The following UVRAG variants were observed in gnomAD, a reference collection of about 807,000 sequenced individuals.
The protein encoded by UVRAG is UV radiation resistance associated, also known as UV radiation resistance-associated gene protein.
A neutral mutation model predicts 78.0 loss-of-function variants in UVRAG; 19 were observed. The observed-to-expected ratio is 0.24, with a 90% CI of 0.17 to 0.36. The LOEUF (loss-of-function observed/expected upper bound fraction) is 0.36. Ranked by LOEUF, UVRAG falls within the 10% of genes least tolerant of loss-of-function variation. The probability of loss-of-function intolerance (pLI) is 1.00; values close to 1 mark genes in which losing one functional copy is unlikely to be tolerated. For synonymous variants in UVRAG, 323 were observed against 324.6 expected (o/e 1.00, Z 0.05); for missense variants, 740 against 853.8 (o/e 0.87, Z 1.66).
At chr11:76,123,398 T>G (rs1952326447) in intron 14 of UVRAG, among the ~76,000 whole-genome samples, 1 of 152,210 alleles carries the variant, frequency 6.6e-6, no homozygotes, top group Admixed American at 6.5e-5. Context: ...TCAACTTCAT[T>G]GGTTAAGAAA....
At chr11:75,983,722 C>CTA in intron 8 of UVRAG, 1 of 570,724 alleles carries the variant, frequency 1.8e-6, no homozygotes, top group South Asian at 3.8e-5. Context: ...ATGGTATAAA[C>CTA]TACTACTACA....
intron 7 of UVRAG, among the ~76,000 whole-genome samples, chr11:75,967,614 T>C (rs529153217): frequency 1.3e-4 from 20 of 152,330 alleles, no homozygotes; most frequent in African/African-American, 4.3e-4. Context: ...CTTAAAAATC[T>C]CAAAGAATTC....
At chr11:75,842,822 ACT>A (rs776963414) in intron 1 of UVRAG, among the ~76,000 whole-genome samples, 6 of 152,114 alleles carry the variant, frequency 3.9e-5, no homozygotes, top group Non-Finnish European at 8.8e-5. Context: ...ATGTGTAATA[ACT>A]CTTATAGATT....
chr11:76,096,761 A>T (rs1951791866), intron 13 of UVRAG, among the ~76,000 whole-genome samples: 1 of 152,148 alleles, frequency 6.6e-6, no homozygotes. Flanking sequence ...AGCCTGTTCC[A>T]CAAGCAAATA....
chr11:76,061,955 A>G (rs1234836456), intron 12 of UVRAG, among the ~76,000 whole-genome samples: 2 of 152,208 alleles, frequency 1.3e-5, no homozygotes, highest in African/African-American at 4.8e-5. Flanking sequence ...CTCTCAAGCT[A>G]CTGTAAATTA....
At chr11:75,881,464 CA>C (rs892810409) in intron 4 of UVRAG, among the ~76,000 whole-genome samples, 50 of 152,290 alleles carry the variant, frequency 3.3e-4, no homozygotes, top group African/African-American at 1.1e-3. Context: ...TTAGCCATTC[CA>C]AAGGCGGCAA....
intron 14 of UVRAG, among the ~76,000 whole-genome samples, chr11:76,122,567 C>T (rs1036417534): frequency 3.3e-5 from 5 of 152,140 alleles, no homozygotes; most frequent in African/African-American, 1.2e-4. Flanking sequence ...GTAAATGAAT[C>T]GTAGTTACTG....
chr11:75,877,924 C>T (rs1354806145), intron 3 of UVRAG, among the ~76,000 whole-genome samples: 2 of 150,338 alleles, frequency 1.3e-5, no homozygotes, highest in Admixed American at 1.3e-4. Context: ...GACCCCCCCA[C>T]CTCCCTCCTG....
At chr11:76,026,253 A>T (rs568644680) in intron 12 of UVRAG, among the ~76,000 whole-genome samples, 1 of 152,278 alleles carries the variant, frequency 6.6e-6, no homozygotes, top group South Asian at 2.1e-4. Context: ...AAAATTCCAG[A>T]ACTCTAGTTT....
intron 6 of UVRAG, among the ~76,000 whole-genome samples, chr11:75,932,593 T>C (rs1337920314): frequency 2.0e-5 from 3 of 152,134 alleles, no homozygotes; most frequent in Admixed American, 1.3e-4. Context: ...CCAGATGATA[T>C]GATCTTATGT....
intron 7 of UVRAG, among the ~76,000 whole-genome samples, chr11:75,974,644 G>C (rs950747745): frequency 6.6e-6 from 1 of 152,132 alleles, no homozygotes; most frequent in African/African-American, 2.4e-5. Flanking sequence ...GGGATTACAG[G>C]CGTGAGCCAC....
intron 12 of UVRAG, among the ~76,000 whole-genome samples, chr11:76,047,169 T>C (rs770547993): frequency 1.7e-4 from 26 of 152,320 alleles, no homozygotes; most frequent in Non-Finnish European, 3.1e-4. Context: ...TAAATACTGA[T>C]ATCTCATAGA....
intron 13 of UVRAG, among the ~76,000 whole-genome samples, chr11:76,099,158 A>G (rs1390941558): frequency 1.3e-5 from 2 of 152,150 alleles, no homozygotes; most frequent in East Asian, 3.8e-4. Context: ...CACCCTTGCA[A>G]TTTGCAGTGC....
At chr11:75,840,503 T>C (rs1296868345) in intron 1 of UVRAG, among the ~76,000 whole-genome samples, 1 of 152,128 alleles carries the variant, frequency 6.6e-6, no homozygotes, top group East Asian at 1.9e-4. Context: ...GTATAAGAAA[T>C]GTAGAAAGTT....
At position 75,893,841 on chromosome 11, in the gene UVRAG, C is replaced by T. The variant is rs115504315; in HGVS notation, c.507+4938C>T. ...CTATGTGACAGAAAAAAAAAAAAAG[C>T]GAGGGTGAGAGAGCATTTTATTGAT... On this transcript the variant is annotated intron_variant, in intron 5 of 14. Transcript: ENST00000356136. Among the ~76,000 whole-genome samples the T allele has an allele frequency of 3.4e-3, 499 of 148,784 alleles. 3 individuals are homozygous for T. Among genetic ancestry groups the T allele is most frequent in the African/African-American group, 0.012 (471 of 40,536 alleles).
intron 13 of UVRAG, among the ~76,000 whole-genome samples, chr11:76,079,200 C>T (rs1305778792): frequency 6.6e-6 from 1 of 152,128 alleles, no homozygotes; most frequent in African/African-American, 2.4e-5. Flanking sequence ...TTTTAAGATT[C>T]TTGCAAGGTG....
intron 12 of UVRAG, among the ~76,000 whole-genome samples, chr11:76,041,049 CATAA>C (rs1950639519): frequency 6.6e-6 from 1 of 151,816 alleles, no homozygotes; most frequent in South Asian, 2.1e-4. Context: ...AATTTTAGCA[CATAA>C]ATAGCAAAAA....
rs1372466896 is a variant in UVRAG, at chr11:76,143,878, C to G, written c.*2465C>G. Among the ~76,000 whole-genome samples, 2 of 152,192 alleles carry G rather than the reference C, an allele frequency of 1.3e-5. No homozygotes were observed. Among genetic ancestry groups the G allele is most frequent in the Non-Finnish European group, 2.9e-5 (2 of 68,028 alleles). The stretch of plus-strand genomic sequence containing the variant: ...TATAAGTTGAATTGGAAACTCATTA[C>G]TATCTATTTCTGAACTGCTAAGAAC... On this transcript the variant is annotated 3_prime_UTR_variant, in exon 15 of 15. Coordinates refer to ENST00000356136, the MANE Select transcript of UVRAG (RefSeq NM_003369.4).
In UVRAG at chr11:75,815,479, C is replaced by T. The variant is rs921069873; in HGVS notation, c.72C>T (p.Pro24=). ...PPPGPAAALP[P]GSAARALHVE... is the part of the protein sequence containing the mutation. ...CGGGCCCGGCCGCTGCTCTGCCTCC[C>T]GGTTCTGCCGCGCGGGCCCTGCATG... The change falls in exon 1 of 15, where the codon CCC becomes CCT. Residue 24 remains proline, a synonymous_variant. Transcript: ENST00000356136. 1.4e-5 allele frequency: 18 copies of T among 1,244,704 alleles called. No individual in the cohort carries two copies. The highest frequency in any genetic ancestry group is 3.4e-5 in the South Asian group (1 of 29,718). 77.1% of individuals were successfully genotyped at this position (1,244,704 alleles called of 1,614,324 possible).
Sources: gnomAD v4.1 joint callset for allele counts (sites outside exome capture counted in the v4.1 genomes callset) on GRCh38, gnomAD v4.1.1 for gene constraint, MANE v1.5 for transcripts, NCBI Gene and HGNC (gene_info 2026-07-23, HGNC 2026-07-21) for gene names.